MYL7: variants seen among roughly 807,000 people sequenced by gnomAD.
MYL7 encodes the protein myosin regulatory light chain 2, atrial isoform.
Under a neutral mutation model 22.5 loss-of-function variants are expected in MYL7, and 27 were observed. The ratio of observed to expected loss-of-function variants is 1.20; its 90% confidence interval spans 0.89 to 1.66. The LOEUF is 1.66. Ranked by LOEUF, MYL7 falls within the 40% of genes most tolerant of loss-of-function variation. The pLI is 0.00. For synonymous variants in MYL7, 81 were observed against 84.4 expected (o/e 0.96, Z 0.22); for missense variants, 209 against 226.8 (o/e 0.92, Z 0.50).
At position 44,140,463 on chromosome 7, in the gene MYL7, C is replaced by A. The variant is rs765245085; in HGVS notation, c.194-36G>T. 17 of 1,492,120 alleles carry A rather than the reference C, an allele frequency of 1.1e-5. No individual in the cohort carries two copies. The South Asian group carries it at 2.0e-4, about 17-fold the overall frequency. 92.4% of individuals were successfully genotyped at this position (1,492,120 alleles called of 1,614,324 possible). A position where few individuals can be genotyped will look rare whatever the true frequency, so the allele number is the denominator to read the frequency against. On this transcript the variant is annotated intron_variant, in intron 3 of 6. Coordinates refer to ENST00000223364, the MANE Select transcript of MYL7 (RefSeq NM_021223.3). ...TGGGGCATGAGGTGCACACAGGGACCCTGGGTGTCCCCCAGAAGGCCCAGG... is the reference window on the plus strand; with the variant it reads ...TGGGGCATGAGGTGCACACAGGGACACTGGGTGTCCCCCAGAAGGCCCAGG...
Position 44,138,869 on chromosome 7 carries a change from A to G in MYL7, c.*52T>C. The stretch of plus-strand genomic sequence containing the variant: ...CAGACAAGACACCACAGCAATTCCA[A>G]TTTTGCAACAGAGTTTATTGAGGTG... On this transcript the variant is annotated 3_prime_UTR_variant, in exon 7 of 7. Coordinates refer to ENST00000223364, the MANE Select transcript of MYL7 (RefSeq NM_021223.3). 4 of 1,498,424 alleles carry G rather than the reference A, an allele frequency of 2.7e-6. No individual in the cohort carries two copies. The highest frequency in any genetic ancestry group is 3.7e-6 in the Non-Finnish European group (4 of 1,075,718). The allele number at this position is 1,498,424 out of a possible 1,614,324, so 92.8% of individuals were successfully genotyped here.
At chr7:44,140,295 A>C in intron 4 of MYL7, 28 bp downstream of exon 4, 2 of 1,600,614 alleles carry the variant, frequency 1.2e-6, no homozygotes, top group Non-Finnish European at 1.7e-6. Flanking sequence ...TGCCTGGCCA[A>C]GGGTGCCCAG....
At position 44,140,521 on chromosome 7, in the gene MYL7, G is replaced by C. The variant is rs771599510; in HGVS notation, c.194-94C>G. ...CCCTCCATCCTGGCCACAGGGGCTGGAGGGGCAGAGGCAGCTGTGGGTCGG... is the reference window on the plus strand; with the variant it reads ...CCCTCCATCCTGGCCACAGGGGCTGCAGGGGCAGAGGCAGCTGTGGGTCGG... On this transcript the variant is annotated intron_variant, in intron 3 of 6. Transcript: ENST00000223364. The C allele has an allele frequency of 4.8e-6, 6 of 1,254,810 alleles. No individual in the cohort carries two copies. The East Asian group carries it at 9.4e-5, about 20-fold the overall frequency. 77.7% of individuals were successfully genotyped at this position (1,254,810 alleles called of 1,614,324 possible).
intron 5 of MYL7, 79 bp downstream of exon 5, chr7:44,139,703 G>A (rs1365654530): frequency 1.9e-6 from 3 of 1,580,958 alleles, no homozygotes; most frequent in Non-Finnish European, 8.6e-7. Context: ...CGAAGCACAG[G>A]CAGCCCCCCT....
Position 44,140,317 on chromosome 7 carries a change from G to A in MYL7, c.298+6C>T. 1 of 1,612,604 alleles carries A rather than the reference G, an allele frequency of 6.2e-7. No homozygotes were observed. The highest frequency in any genetic ancestry group is 1.1e-5 in the South Asian group (1 of 91,058). On this transcript the variant is annotated splice_donor_region_variant and intron_variant, in intron 4 of 6. Transcript: ENST00000223364. ...CCAAGGGTGCCCAGCTCTGTCCCAG[G>A]CTCACCATTGAGCTTCTCCCCAAAG...
intron 4 of MYL7, 78 bp downstream of exon 4, chr7:44,140,245 G>T (rs2096263590): frequency 8.0e-7 from 1 of 1,244,298 alleles, no homozygotes; most frequent in Non-Finnish European, 1.2e-6. Context: ...GTGGGGTTCA[G>T]GCAGGGTTCA....
At chr7:44,140,477 A>G (rs1562707390) in intron 3 of MYL7, 50 bp from the exon 4 acceptor site, 1 of 1,372,218 alleles carries the variant, frequency 7.3e-7, no homozygotes, top group Non-Finnish European at 9.6e-7. Context: ...GGTGTCCCCC[A>G]GAAGGCCCAG....
intron 6 of MYL7, 179 bp downstream of exon 6, chr7:44,139,342 G>T: frequency 2.5e-6 from 2 of 788,436 alleles, no homozygotes; most frequent in Admixed American, 3.8e-5. Context: ...GGCGCACCCT[G>T]CCCTCTTTTC....
chr7:44,140,263 T>C, intron 4 of MYL7, 60 bp downstream of exon 4: 1 of 1,434,956 alleles, frequency 7.0e-7, no homozygotes, highest in Non-Finnish European at 9.8e-7. Context: ...TCAGGTGGGG[T>C]TCAGGCAGGG....
Position 44,140,794 on chromosome 7 carries a change from G to T in MYL7, c.118-7C>A, listed in dbSNP as rs1583584264. 6.2e-7 allele frequency: 1 copy of T among 1,612,710 alleles called. No homozygotes were observed. Among genetic ancestry groups the T allele is most frequent in the Non-Finnish European group, 8.5e-7 (1 of 1,179,474 alleles). ...GGTCGATACAGCTGAAGGCCTGTGGGATGGGGGCCTTCAGGTGGGAGCAGC... is the reference window on the plus strand; with the variant it reads ...GGTCGATACAGCTGAAGGCCTGTGGTATGGGGGCCTTCAGGTGGGAGCAGC... On this transcript the variant is annotated splice_polypyrimidine_tract_variant and splice_region_variant and intron_variant, in intron 2 of 6. Transcript: ENST00000223364.
intron 3 of MYL7, 106 bp from the exon 4 acceptor site, chr7:44,140,533 C>T (rs746637258): frequency 1.6e-6 from 2 of 1,214,452 alleles, no homozygotes; most frequent in South Asian, 1.4e-5. Flanking sequence ...GGGGCAGAGG[C>T]AGCTGTGGGT....
At chr7:44,141,259 G>A (rs769428596) in intron 1 of MYL7, 44 bp downstream of exon 1, 321 of 1,613,940 alleles carry the variant, frequency 2.0e-4, no homozygotes, top group Non-Finnish European at 2.6e-4. Context: ...CCAAAGGCCA[G>A]CACCTGGGAG....
intron 4 of MYL7, 135 bp from the exon 5 acceptor site, chr7:44,139,995 CG>C: frequency 1.2e-6 from 1 of 828,718 alleles, no homozygotes; most frequent in Non-Finnish European, 1.8e-6. Flanking sequence ...AAATGTTTCT[CG>C]GGGATCAGTG....
intron 5 of MYL7, 94 bp from the exon 6 acceptor site, chr7:44,139,663 G>T: frequency 6.4e-7 from 1 of 1,563,450 alleles, no homozygotes. Flanking sequence ...GGGAAGGGTT[G>T]GCTGCACCCC....
In MYL7 at chr7:44,139,238, G is replaced by A. The variant is rs575220374; in HGVS notation, c.427-216C>T. 5.9e-5 allele frequency among the ~76,000 whole-genome samples: 9 copies of A among 152,346 alleles called. No homozygotes were observed. In the East Asian group the frequency reaches 1.7e-3, roughly 29 times the overall value. ...TGCAAATGTGGGCCAAGAGGCAAAG[G>A]ACGCCCCTCCAGCCACAGGCACAGG... On this transcript the variant is annotated intron_variant, in intron 6 of 6. Transcript: ENST00000223364.
chr7:44,140,173 G>T, intron 4 of MYL7, 150 bp downstream of exon 4: 1 of 660,290 alleles, frequency 1.5e-6, no homozygotes, highest in Non-Finnish European at 2.6e-6. Flanking sequence ...TGGCCAGGAA[G>T]AGTCCAGGTG....
At chr7:44,140,915 G>C (rs202000781) in intron 2 of MYL7, 46 bp downstream of exon 2, 8 of 1,546,314 alleles carry the variant, frequency 5.2e-6, no homozygotes, top group East Asian at 2.3e-5. Flanking sequence ...GGGGTGGGGT[G>C]GGGGGGCCAG....
At chr7:44,140,240 G>A in intron 4 of MYL7, 83 bp downstream of exon 4, 1 of 1,185,630 alleles carries the variant, frequency 8.4e-7, no homozygotes, top group Middle Eastern at 1.9e-4. Context: ...TTCAGGTGGG[G>A]TTCAGGCAGG....
intron 1 of MYL7, 22 bp from the exon 2 acceptor site, chr7:44,141,096 G>A (rs1312315126): frequency 6.8e-6 from 11 of 1,610,678 alleles, no homozygotes; most frequent in Admixed American, 5.0e-5. Flanking sequence ...TGAGTAGGGA[G>A]GGGTCCTCTC....
Sources: gnomAD v4.1 joint callset for allele counts (sites outside exome capture counted in the v4.1 genomes callset) on GRCh38, gnomAD v4.1.1 for gene constraint, MANE v1.5 for transcripts, NCBI Gene and HGNC (gene_info 2026-07-23, HGNC 2026-07-21) for gene names.